The following CREB5 variants were observed in gnomAD, a reference collection of about 807,000 sequenced individuals.
CREB5 encodes the protein cyclic AMP-responsive element-binding protein 5.
In CREB5, 19 loss-of-function variants were observed where a neutral mutation model predicts 57.1. The ratio of observed to expected loss-of-function variants is 0.33; its 90% CI spans 0.23 to 0.49. The LOEUF is 0.49. Ranked by LOEUF, CREB5 falls within the 20% of genes least tolerant of loss-of-function variation. CREB5 has a pLI of 0.99. For missense variants in CREB5, 579 were observed against 671.6 expected (o/e 0.86, Z 1.52); for synonymous variants, 238 against 238.3 (o/e 1.00, Z 0.01).
At chr7:28,673,976 T>G (rs905203329) in intron 5 of CREB5, among the ~76,000 whole-genome samples, 1 of 152,050 alleles carries the variant, frequency 6.6e-6, no homozygotes, top group African/African-American at 2.4e-5. Flanking sequence ...TCCAACCAAT[T>G]TATCTCTTGC....
chr7:28,438,273 A>G (rs1789038350), intron 1 of CREB5, among the ~76,000 whole-genome samples: 1 of 152,124 alleles, frequency 6.6e-6, no homozygotes, highest in Non-Finnish European at 1.5e-5. Flanking sequence ...TTTTACTTAC[A>G]ATAGATATTC....
Position 28,309,000 on chromosome 7 carries a change from A to G in CREB5, c.-25+9559A>G, listed in dbSNP as rs571853603. Among the ~76,000 whole-genome samples the G allele has an allele frequency of 2.0e-5, 3 of 152,250 alleles. No homozygotes were observed. In the East Asian group the frequency reaches 5.8e-4, roughly 29 times the overall value. On this transcript the variant is annotated intron_variant, in intron 1 of 9. Transcript: ENST00000396299. The stretch of plus-strand genomic sequence containing the variant: ...CCAATCAGCTGAGTAGAACAAAAAG[A>G]CCAACTATCCCCCCAGCAAAAGAGA...
At chr7:28,394,839 G>A (rs1361639007) in intron 1 of CREB5, among the ~76,000 whole-genome samples, 1 of 151,964 alleles carries the variant, frequency 6.6e-6, no homozygotes, top group African/African-American at 2.4e-5. Flanking sequence ...TCTAACCATT[G>A]CATTTTATTG....
chr7:28,544,959 A>G (rs1337247012), intron 4 of CREB5, among the ~76,000 whole-genome samples: 3 of 152,200 alleles, frequency 2.0e-5, no homozygotes, highest in Non-Finnish European at 4.4e-5. Context: ...ACAAATTATC[A>G]TAATGTAATT....
chr7:28,378,822 T>C (rs999854732), intron 1 of CREB5, among the ~76,000 whole-genome samples: 1 of 152,214 alleles, frequency 6.6e-6, no homozygotes, highest in Non-Finnish European at 1.5e-5. Flanking sequence ...TCAACTCTAC[T>C]GGCATTTGTG....
In CREB5 at chr7:28,721,386, A is replaced by G. The variant is rs182101306; in HGVS notation, c.591+2507A>G. ...CATTAACTTAAGATTTCTAAAAAGC[A>G]TATCGTAAGAGTTCCAGGCCCTAGA... is the stretch of plus-strand genomic sequence containing the variant. On this transcript the variant is annotated intron_variant, in intron 6 of 10. Coordinates refer to ENST00000357727, the MANE Select transcript of CREB5 (RefSeq NM_182898.4). Among the ~76,000 whole-genome samples the G allele has an allele frequency of 7.9e-5, 12 of 152,346 alleles. No homozygotes were observed. The South Asian group carries it at 1.2e-3, about 16-fold the overall frequency.
intron 5 of CREB5, among the ~76,000 whole-genome samples, chr7:28,708,242 T>A (rs562635790): frequency 1.3e-5 from 2 of 152,200 alleles, no homozygotes; most frequent in African/African-American, 2.4e-5. Context: ...TCATTAAGAA[T>A]AGAACTTGAG....
At chr7:28,662,034 AC>A (rs1473595412) in intron 5 of CREB5, among the ~76,000 whole-genome samples, 1 of 152,136 alleles carries the variant, frequency 6.6e-6, no homozygotes, top group African/African-American at 2.4e-5. Flanking sequence ...GTGCATGCCA[AC>A]CCCTGGGGAC....
chr7:28,606,738 T>C (rs1384281443), intron 5 of CREB5, among the ~76,000 whole-genome samples: 2 of 152,212 alleles, frequency 1.3e-5, no homozygotes, highest in South Asian at 2.1e-4. Flanking sequence ...GGTGACAAAA[T>C]GAGTGATCCT....
intron 5 of CREB5, among the ~76,000 whole-genome samples, chr7:28,633,740 G>A (rs932277818): frequency 4.6e-5 from 7 of 152,190 alleles, no homozygotes; most frequent in African/African-American, 1.7e-4. Context: ...GATTATAAAT[G>A]TGTGAACTCC....
chr7:28,675,801 A>G lies in CREB5; in HGVS notation c.465-42952A>G, dbSNP rs74653686. ...GGGAGATCCTGTTTCAGCTTGGGAT[A>G]AGGTGCATTGCTCTGGCAATGCAGA... is the stretch of plus-strand genomic sequence containing the variant. On this transcript the variant is annotated intron_variant, in intron 5 of 10. Transcript: ENST00000357727. Among the ~76,000 whole-genome samples, 550 of 152,198 alleles carry G rather than the reference A, an allele frequency of 3.6e-3. 18 individuals carry two copies. In the East Asian group the frequency reaches 0.089, roughly 25 times the overall value.
intron 1 of CREB5, among the ~76,000 whole-genome samples, chr7:28,447,301 T>C (rs1439330070): frequency 2.0e-5 from 3 of 152,262 alleles, no homozygotes; most frequent in Non-Finnish European, 4.4e-5. Context: ...GCAGTTCACA[T>C]GTGACAGATC....
chr7:28,706,732 C>G (rs535412911), intron 5 of CREB5, among the ~76,000 whole-genome samples: 1 of 152,264 alleles, frequency 6.6e-6, no homozygotes, highest in Middle Eastern at 3.4e-3. Context: ...TGCAAGGTAG[C>G]TCAGGGAAGG....
chr7:28,518,790 C>A (rs1421899556), intron 4 of CREB5, among the ~76,000 whole-genome samples: 1 of 152,172 alleles, frequency 6.6e-6, no homozygotes, highest in East Asian at 1.9e-4. Context: ...GATCCACACT[C>A]CCCCCATGTG....
At chr7:28,395,753 G>T (rs1052093599) in intron 1 of CREB5, among the ~76,000 whole-genome samples, 1 of 152,078 alleles carries the variant, frequency 6.6e-6, no homozygotes, top group African/African-American at 2.4e-5. Context: ...CTATGAAATG[G>T]TCTACAAACT....
In CREB5 at chr7:28,584,768, C is replaced by T. The variant is rs41467657; in HGVS notation, c.464+14231C>T. On this transcript the variant is annotated intron_variant, in intron 5 of 10. Coordinates refer to ENST00000357727, the MANE Select transcript of CREB5 (RefSeq NM_182898.4). Reference sequence around the variant, plus strand: ...ATTATGGATCTATCTGCTTTGCCAACGGAATCGTGGTTAAAAAAAAAAAAA... The same window carrying T: ...ATTATGGATCTATCTGCTTTGCCAATGGAATCGTGGTTAAAAAAAAAAAAA... 5.3e-3 allele frequency among the ~76,000 whole-genome samples: 782 copies of T among 146,240 alleles called. 6 individuals carry two copies. Among genetic ancestry groups the T allele is most frequent in the African/African-American group, 0.018 (740 of 40,502 alleles).
intron 5 of CREB5, among the ~76,000 whole-genome samples, chr7:28,634,104 T>C (rs1474958184): frequency 6.6e-6 from 1 of 152,242 alleles, no homozygotes; most frequent in Admixed American, 6.5e-5. Context: ...CAGTGTTTCC[T>C]AAGTGTGATC....
chr7:28,418,167 G>T (rs1788096878), intron 1 of CREB5, among the ~76,000 whole-genome samples: 1 of 152,062 alleles, frequency 6.6e-6, no homozygotes, highest in African/African-American at 2.4e-5. Flanking sequence ...TTGTGTTATT[G>T]CCTAGACCAG....
intron 4 of CREB5, among the ~76,000 whole-genome samples, chr7:28,548,241 G>A (rs1794491065): frequency 1.3e-5 from 2 of 152,070 alleles, no homozygotes; most frequent in South Asian, 4.1e-4. Flanking sequence ...AATACGTGCA[G>A]CTCCATCTCC....
Sources: allele counts gnomAD v4.1 joint callset (sites outside exome capture counted in the v4.1 genomes callset), GRCh38; gene constraint gnomAD v4.1.1; transcripts MANE v1.5; gene names NCBI Gene and HGNC (gene_info 2026-07-23, HGNC 2026-07-21).